The following GPR143 variants were observed in gnomAD, a reference collection of about 807,000 sequenced individuals.
GPR143 encodes the protein G protein-coupled receptor 143.
GPR143 carries 8 observed loss-of-function variants against 27.6 expected under a neutral mutation model. The observed-to-expected ratio is 0.29, with a 90% CI of 0.17 to 0.52. The LOEUF (loss-of-function observed/expected upper bound fraction) is 0.52. Ranked by LOEUF, GPR143 falls within the 20% of genes least tolerant of loss-of-function variation. The pLI, the probability that GPR143 is intolerant of heterozygous loss-of-function variation, is 0.96. For synonymous variants in GPR143, 156 were observed against 153.2 expected (o/e 1.02, Z -0.13); for missense variants, 303 against 343.1 (o/e 0.88, Z 0.92).
Position 9,739,472 on chromosome X carries a change from G to A in GPR143, c.1120+13C>T, listed in dbSNP as rs748951376. On this transcript the variant is annotated intron_variant, in intron 8 of 8. Coordinates refer to ENST00000467482, the MANE Select transcript of GPR143 (RefSeq NM_000273.3). ...ACCCCGAAGTCTACCTGCTGTGGCA[G>A]ACAGGGCATTACCTTCAGACAGCAT... 1.0e-5 allele frequency: 12 copies of A among 1,144,721 alleles called. No homozygotes were observed. The East Asian group carries it at 3.6e-4, about 34-fold the overall frequency. 94.3% of individuals were successfully genotyped at this position (1,144,721 alleles called of 1,213,427 possible).
chrX:9,769,038 A>G (rs939180805), upstream of GPR143, among the ~76,000 whole-genome samples: 2 of 111,699 alleles, frequency 1.8e-5, no homozygotes, highest in Non-Finnish European at 3.8e-5. Flanking sequence ...GCAAATACAC[A>G]CGCACACACT....
Position 9,749,515 on chromosome X carries a change from A to G in GPR143, c.456-849T>C, listed in dbSNP as rs1261189967. Among the ~76,000 whole-genome samples, 6 of 111,795 alleles carry G rather than the reference A, an allele frequency of 5.4e-5. No individual in the cohort carries two copies. In the South Asian group the frequency reaches 1.9e-3, roughly 35 times the overall value. ...TGGATTTGCATGTTCTGGATATTTC[A>G]TGTAAATGGAAATATATGCTACGTG... On this transcript the variant is annotated intron_variant, in intron 3 of 8. Transcript: ENST00000467482.
chrX:9,776,080 C>T (rs145176017), intron 1 of GPR143, among the ~76,000 whole-genome samples: 1 of 112,086 alleles, frequency 8.9e-6, no homozygotes, highest in East Asian at 2.8e-4. Flanking sequence ...GAATAGGAAA[C>T]CCACATTAAC....
chrX:9,733,460 T>G (rs1007850767), intron 8 of GPR143, among the ~76,000 whole-genome samples: 2 of 110,077 alleles, frequency 1.8e-5, no homozygotes, highest in African/African-American at 3.3e-5. Context: ...CTCAAGGTAC[T>G]GTGTAACAGA....
intron 1 of GPR143, among the ~76,000 whole-genome samples, chrX:9,774,067 T>C (rs1279796843): frequency 9.1e-6 from 1 of 110,334 alleles, no homozygotes; most frequent in Non-Finnish European, 1.9e-5. Context: ...GGATGATCAC[T>C]TGAGGCCAGG....
intron 1 of GPR143, 113 bp from the exon 2 acceptor site, chrX:9,760,939 G>T: frequency 4.4e-6 from 2 of 453,537 alleles, no homozygotes; most frequent in Non-Finnish European, 4.1e-6. Context: ...AGAGAGGAAG[G>T]AAGAAGGAAG....
intron 1 of GPR143, among the ~76,000 whole-genome samples, chrX:9,774,746 G>A (rs1341731409): frequency 8.9e-6 from 1 of 112,944 alleles, no homozygotes; most frequent in Non-Finnish European, 1.9e-5. Context: ...AAAACTTTGA[G>A]AAAGTAAAAC....
intron 1 of GPR143, among the ~76,000 whole-genome samples, chrX:9,772,191 G>A (rs781287274): frequency 2.7e-5 from 3 of 111,730 alleles, no homozygotes; most frequent in Admixed American, 1.9e-4. Flanking sequence ...AGGCAAATAC[G>A]CGATTTGTGT....
At chrX:9,762,391 G>GAA (rs146896080) in intron 1 of GPR143, among the ~76,000 whole-genome samples, 1 of 105,586 alleles carries the variant, frequency 9.5e-6, no homozygotes, top group Non-Finnish European at 2.0e-5. Context: ...CTCCATCTGA[G>GAA]AAAAAAAAAA....
At chrX:9,760,128 G>C (rs1268898413) in intron 2 of GPR143, among the ~76,000 whole-genome samples, 1 of 111,917 alleles carries the variant, frequency 8.9e-6, no homozygotes, top group Non-Finnish European at 1.9e-5. Context: ...GTTTCACTCT[G>C]TCACCCAGGC....
At chrX:9,750,062 G>T (rs2083445041) in intron 3 of GPR143, among the ~76,000 whole-genome samples, 1 of 112,616 alleles carries the variant, frequency 8.9e-6, no homozygotes, top group African/African-American at 3.2e-5. Flanking sequence ...CATAGCGGCG[G>T]CCCTTTCTTC....
intron 7 of GPR143, chrX:9,740,753 C>CT (rs374177494): frequency 0.12 from 30,313 of 242,723 alleles, 1,006 homozygotes; most frequent in Middle Eastern, 0.14. Context: ...TTCTTTCTTT[C>CT]TTTTTTTTTT....
intron 3 of GPR143, among the ~76,000 whole-genome samples, chrX:9,750,508 G>A (rs970122592): frequency 9.1e-6 from 1 of 110,159 alleles, no homozygotes; most frequent in African/African-American, 3.3e-5. Context: ...GCACCTGGCT[G>A]GGTTCCTGTT....
chrX:9,758,905 A>G (rs1302256262), intron 3 of GPR143, among the ~76,000 whole-genome samples: 3 of 112,293 alleles, frequency 2.7e-5, no homozygotes, highest in Non-Finnish European at 5.6e-5. Flanking sequence ...TAAAAAATAA[A>G]CAATAAAATT....
intron 5 of GPR143, among the ~76,000 whole-genome samples, chrX:9,744,692 G>A (rs775239329): frequency 2.7e-5 from 3 of 111,569 alleles, no homozygotes; most frequent in South Asian, 7.5e-4. Context: ...GCAAAAGAGC[G>A]AAACCCCATC....
Position 9,739,704 on chromosome X carries a change from C to G in GPR143, c.901G>C (p.Ala301Pro). The G allele has an allele frequency of 4.3e-6, 5 of 1,164,977 alleles. No individual in the cohort carries two copies. In the South Asian group the frequency reaches 9.4e-5, roughly 22 times the overall value. Residue 301 changes from alanine to proline, a missense_variant, in exon 8 of 9, where the codon GCC becomes CCC. Ala to Pro is a conservative substitution (Grantham distance 27, BLOSUM62 -1). Transcript: ENST00000467482. ...TWFIMGILNP[A>P]QGFLLSLAFY... ...GCCAAAGACAAGAGAAATCCCTGGG[C>G]TGGATTCAGGATTCCCTGGAGAGAG...
intron 3 of GPR143, among the ~76,000 whole-genome samples, chrX:9,756,971 G>T (rs1337475112): frequency 8.9e-6 from 1 of 112,718 alleles, no homozygotes; most frequent in Non-Finnish European, 1.9e-5. Context: ...GCCAAACAAT[G>T]GAAGTAGTCA....
chrX:9,734,968 C>T lies in GPR143; in HGVS notation c.1120+4517G>A, dbSNP rs183843700. Among the ~76,000 whole-genome samples the T allele has an allele frequency of 1.3e-4, 14 of 111,748 alleles. 1 individual carries two copies. Among genetic ancestry groups the T allele is most frequent in the African/African-American group, 4.6e-4 (14 of 30,751 alleles). The stretch of plus-strand genomic sequence containing the variant: ...GTCAAAAGCGGTTCAGGTGCACAAT[C>T]CTCCCCTAGTAATGACTCTCTTCAG... On this transcript the variant is annotated intron_variant, in intron 8 of 8. Coordinates refer to ENST00000467482, the MANE Select transcript of GPR143 (RefSeq NM_000273.3).
chrX:9,741,115 A>C (rs904913584), intron 7 of GPR143: 2 of 291,212 alleles, frequency 6.9e-6, no homozygotes, highest in African/African-American at 2.9e-5. Flanking sequence ...TAATTAAAAA[A>C]AGAGATGGGG....
Sources: allele counts gnomAD v4.1 joint callset (sites outside exome capture counted in the v4.1 genomes callset), GRCh38; gene constraint gnomAD v4.1.1; transcripts MANE v1.5; gene names NCBI Gene and HGNC (gene_info 2026-07-23, HGNC 2026-07-21).